The following RBFOX1 variants were observed in gnomAD, a reference collection of about 807,000 sequenced individuals.
RBFOX1 encodes RNA binding protein fox-1 homolog 1.
In RBFOX1, 8 loss-of-function variants were observed where a neutral mutation model predicts 57.7. The observed-to-expected ratio is 0.14, with a 90% CI of 0.08 to 0.25. RBFOX1 has a LOEUF of 0.25. RBFOX1 is among the 10% of genes least tolerant of loss of function. RBFOX1 has a pLI of 1.00. For missense variants in RBFOX1, 611 were observed against 548.5 expected, an observed-to-expected ratio of 1.11 and a Z score of -1.14; for synonymous variants, 326 against 222.4, an observed-to-expected ratio of 1.47 and a Z score of -4.15.
chr16:6,062,163 C>A (rs140657088), intron 1 of RBFOX1, among the ~76,000 whole-genome samples: 1 of 152,188 alleles, frequency 6.6e-6, no homozygotes, highest in African/African-American at 2.4e-5. Flanking sequence ...TCTCTGGGTG[C>A]ATCACCTTCT....
chr16:6,244,856 G>A (rs1390529284), intron 1 of RBFOX1, among the ~76,000 whole-genome samples: 2 of 152,086 alleles, frequency 1.3e-5, no homozygotes, highest in African/African-American at 4.8e-5. Context: ...TCTCCTTCAC[G>A]GATTTGTCTC....
In RBFOX1 at chr16:7,201,027, C is replaced by G. The variant is rs182594916; in HGVS notation, c.27+148929C>G. On this transcript the variant is annotated intron_variant, in intron 4 of 15. Coordinates refer to ENST00000550418, the MANE Select transcript of RBFOX1 (RefSeq NM_018723.4). The stretch of plus-strand genomic sequence containing the variant: ...TAAGCCACCATTATTTGGGGACTCT[C>G]TAAATAGCAACCAAATTGAATTTTA... Among the ~76,000 whole-genome samples the G allele has an allele frequency of 3.8e-4, 58 of 152,264 alleles. No individual in the cohort carries two copies. The East Asian group carries it at 9.6e-3, about 25-fold the overall frequency.
intron 3 of RBFOX1, among the ~76,000 whole-genome samples, chr16:5,657,662 C>T (rs1417784752): frequency 2.4e-5 from 3 of 126,222 alleles, no homozygotes; most frequent in African/African-American, 6.4e-5. Flanking sequence ...CTTTTCTTTT[C>T]TTTCTTTCTT....
At chr16:5,693,911 C>T (rs1000438691) in intron 3 of RBFOX1, among the ~76,000 whole-genome samples, 4 of 152,270 alleles carry the variant, frequency 2.6e-5, no homozygotes, top group Admixed American at 6.5e-5. Context: ...CTGCCTCATT[C>T]CCCCACCTCG....
chr16:5,433,557 G>C (rs1036290285), intron 1 of RBFOX1, among the ~76,000 whole-genome samples: 43 of 152,216 alleles, frequency 2.8e-4, no homozygotes, highest in African/African-American at 1.0e-3. Context: ...GAGTAAGTGA[G>C]TGACACAAAG....
intron 2 of RBFOX1, among the ~76,000 whole-genome samples, chr16:6,425,810 T>A (rs1237486975): frequency 6.6e-6 from 1 of 152,200 alleles, no homozygotes; most frequent in Non-Finnish European, 1.5e-5. Flanking sequence ...AAGAGTTTAA[T>A]CACCATTACT....
At chr16:5,637,849 G>T (rs772918642) in intron 3 of RBFOX1, among the ~76,000 whole-genome samples, 2 of 152,154 alleles carry the variant, frequency 1.3e-5, no homozygotes, top group Non-Finnish European at 2.9e-5. Flanking sequence ...GATTCCAGGG[G>T]CCTCTCCTAC....
intron 3 of RBFOX1, among the ~76,000 whole-genome samples, chr16:5,730,449 C>G (rs1185240360): frequency 6.6e-6 from 1 of 152,168 alleles, no homozygotes; most frequent in Non-Finnish European, 1.5e-5. Context: ...TCTGGCTGCG[C>G]ACACACACTG....
intron 4 of RBFOX1, among the ~76,000 whole-genome samples, chr16:5,969,831 TCC>T (rs1392518937): frequency 6.6e-6 from 1 of 152,074 alleles, no homozygotes; most frequent in Admixed American, 6.6e-5. Context: ...GCTGCTGACT[TCC>T]AGCAATATCT....
Position 6,737,195 on chromosome 16 carries a change from G to A in RBFOX1, c.-16+82545G>A, listed in dbSNP as rs1484153980. Among the ~76,000 whole-genome samples, 4 of 152,048 alleles carry A rather than the reference G, an allele frequency of 2.6e-5. 1 individual carries two copies. Among genetic ancestry groups the A allele is most frequent in the Non-Finnish European group, 5.9e-5 (4 of 68,018 alleles). The stretch of plus-strand genomic sequence containing the variant: ...CAAGAATGGTAGATATTTGGCTATA[G>A]GTCAAGCAAAAAATAACTCAATGTA... On this transcript the variant is annotated intron_variant, in intron 3 of 15. Transcript: ENST00000550418.
intron 1 of RBFOX1, among the ~76,000 whole-genome samples, chr16:5,395,325 T>C (rs1284148566): frequency 6.6e-6 from 1 of 152,262 alleles, no homozygotes; most frequent in Non-Finnish European, 1.5e-5. Context: ...TGTTAGATTC[T>C]TGCCAACTTG....
intron 3 of RBFOX1, among the ~76,000 whole-genome samples, chr16:5,767,931 C>G (rs547071369): frequency 6.7e-6 from 1 of 149,402 alleles, no homozygotes; most frequent in African/African-American, 2.5e-5. Context: ...AGTCCCATTA[C>G]TTTCTCTCTG....
intron 2 of RBFOX1, among the ~76,000 whole-genome samples, chr16:6,351,203 G>A (rs998107539): frequency 6.6e-6 from 1 of 151,548 alleles, no homozygotes; most frequent in Non-Finnish European, 1.5e-5. Flanking sequence ...ATTTTCATGT[G>A]TGCGGATAGT....
intron 3 of RBFOX1, among the ~76,000 whole-genome samples, chr16:6,893,516 G>C (rs144162206): frequency 2.6e-5 from 4 of 152,254 alleles, no homozygotes. Context: ...GGGGCTCTAT[G>C]CTGAGCTCAG....
At chr16:7,111,588 G>A (rs574542335) in intron 4 of RBFOX1, among the ~76,000 whole-genome samples, 2 of 152,142 alleles carry the variant, frequency 1.3e-5, no homozygotes, top group African/African-American at 4.8e-5. Flanking sequence ...TTTTAAACCA[G>A]ATAAAGCAGT....
chr16:7,080,595 G>T (rs1293876021), intron 4 of RBFOX1, among the ~76,000 whole-genome samples: 1 of 152,040 alleles, frequency 6.6e-6, no homozygotes, highest in African/African-American at 2.4e-5. Context: ...TGCTCTCTGG[G>T]TATCCTTTTT....
At chr16:5,566,240 C>T (rs1298639215) in intron 2 of RBFOX1, among the ~76,000 whole-genome samples, 19 of 152,164 alleles carry the variant, frequency 1.2e-4, no homozygotes, top group Admixed American at 1.2e-3. Flanking sequence ...TTCCCAGTCA[C>T]TGTCTGTTTT....
At chr16:6,996,332 G>A (rs1031913049) in intron 3 of RBFOX1, among the ~76,000 whole-genome samples, 7 of 151,984 alleles carry the variant, frequency 4.6e-5, no homozygotes, top group Admixed American at 1.3e-4. Context: ...TTTGATATTC[G>A]GACAGCTCTT....
intron 3 of RBFOX1, among the ~76,000 whole-genome samples, chr16:6,926,959 T>G (rs2075701679): frequency 6.6e-6 from 1 of 152,144 alleles, no homozygotes; most frequent in Non-Finnish European, 1.5e-5. Context: ...CCTCCTTGCC[T>G]TACTCAGGCC....
Sources: allele counts gnomAD v4.1 joint callset (sites outside exome capture counted in the v4.1 genomes callset), GRCh38; gene constraint gnomAD v4.1.1; transcripts MANE v1.5; gene names NCBI Gene and HGNC (gene_info 2026-07-23, HGNC 2026-07-21).